SLC12A7: variants seen among roughly 807,000 people sequenced by gnomAD.
The protein encoded by SLC12A7 is K-Cl cotransporter 4.
A neutral mutation model predicts 120.6 loss-of-function variants in SLC12A7; 100 were observed. The observed-to-expected ratio is 0.83, with a 90% CI of 0.71 to 0.98. The LOEUF (loss-of-function observed/expected upper bound fraction) is 0.98. Among genes scored for constraint, SLC12A7 ranks in the 50% least tolerant of loss-of-function variants. The pLI is 0.00. For missense variants in SLC12A7, 1,373 were observed against 1,548.1 expected, an observed-to-expected ratio of 0.89 and a Z score of 1.90; for synonymous variants, 760 against 678.0, an observed-to-expected ratio of 1.12 and a Z score of -1.88.
the SLC12A7 span, among the ~76,000 whole-genome samples, chr5:1,128,696 G>T: frequency 6.6e-6 from 1 of 152,214 alleles, no homozygotes; most frequent in Non-Finnish European, 1.5e-5. Flanking sequence ...GTCCTGACAG[G>T]CTGCAGCGGA....
intron 21 of SLC12A7, among the ~76,000 whole-genome samples, chr5:1,058,119 GGGGCCGGCC>G (rs1735819062): frequency 1.3e-5 from 2 of 152,220 alleles, no homozygotes; most frequent in South Asian, 4.1e-4. Context: ...GGGACGTTTG[GGGGCCGGCC>G]AGGCTGGCAG....
chr5:1,128,079 C>A, the SLC12A7 span, among the ~76,000 whole-genome samples: 1 of 152,202 alleles, frequency 6.6e-6, no homozygotes, highest in East Asian at 1.9e-4. Flanking sequence ...TAGCTTCTCA[C>A]GCCATGCACT....
chr5:1,055,758 C>T (rs1426640011), intron 22 of SLC12A7, among the ~76,000 whole-genome samples: 4 of 152,236 alleles, frequency 2.6e-5, no homozygotes, highest in African/African-American at 7.2e-5. Context: ...GGGTCTACGT[C>T]GTTCTTCGGC....
At chr5:1,107,932 G>T (rs946465953) in intron 1 of SLC12A7, among the ~76,000 whole-genome samples, 1 of 152,132 alleles carries the variant, frequency 6.6e-6, no homozygotes, top group African/African-American at 2.4e-5. Context: ...TAGACCAGGG[G>T]GAGGGAACGG....
At chr5:1,064,402 G>C (rs755916299) in intron 18 of SLC12A7, 150 bp from the exon 19 acceptor site, 27 of 857,892 alleles carry the variant, frequency 3.1e-5, no homozygotes, top group Non-Finnish European at 4.2e-5. Context: ...GCTCCTCCAA[G>C]GACCAGCCAG....
chr5:1,110,103 G>C (rs1742882669), intron 1 of SLC12A7, among the ~76,000 whole-genome samples: 1 of 152,268 alleles, frequency 6.6e-6, no homozygotes, highest in Admixed American at 6.5e-5. Context: ...ATGTGATCAA[G>C]TGGATTCCGA....
chr5:1,131,119 G>T, the SLC12A7 span, among the ~76,000 whole-genome samples: 1 of 152,150 alleles, frequency 6.6e-6, no homozygotes, highest in Non-Finnish European at 1.5e-5. Context: ...AGAGCTCAGC[G>T]CCTGTATTCG....
chr5:1,073,825 T>C, intron 16 of SLC12A7, 24 bp from the exon 17 acceptor site: 1 of 1,390,948 alleles, frequency 7.2e-7, no homozygotes, highest in Non-Finnish European at 9.4e-7. Flanking sequence ...GGGGCGGCTG[T>C]TACCACGGCA....
the SLC12A7 span, among the ~76,000 whole-genome samples, chr5:1,142,919 C>T: frequency 4.0e-5 from 6 of 151,462 alleles, no homozygotes; most frequent in African/African-American, 7.3e-5. Context: ...AATGGACTTT[C>T]CTGGCCCATT....
chr5:1,084,543 T>G (rs1739596660), intron 7 of SLC12A7, among the ~76,000 whole-genome samples: 1 of 152,044 alleles, frequency 6.6e-6, no homozygotes, highest in East Asian at 1.9e-4. Context: ...TGGAAAACAG[T>G]CTACACAGGG....
intron 1 of SLC12A7, among the ~76,000 whole-genome samples, chr5:1,094,594 C>T (rs553836041): frequency 1.9e-4 from 29 of 152,344 alleles, no homozygotes; most frequent in African/African-American, 5.8e-4. Context: ...AAGACAAAGC[C>T]CCTGAAAGCC....
intron 20 of SLC12A7, among the ~76,000 whole-genome samples, chr5:1,062,138 A>G (rs1579323542): frequency 6.6e-6 from 1 of 152,136 alleles, no homozygotes; most frequent in Non-Finnish European, 1.5e-5. Context: ...CCTGCTCAGG[A>G]GCTGGGGAGC....
rs75851171 is a variant in SLC12A7 at position 1,061,168 on chromosome 5, C to T, written c.2740-717G>A. ...CACCCGCCGCACCCGCCGTGCGGGA[C>T]CCCTGCGTCTCACCCACCGCACCCG... On this transcript the variant is annotated intron_variant, in intron 20 of 23. Transcript: ENST00000264930. Among the ~76,000 whole-genome samples, 188 of 21,676 alleles carry T rather than the reference C, an allele frequency of 8.7e-3. 10 individuals are homozygous for T. Among genetic ancestry groups the T allele is most frequent in the Middle Eastern group, 0.05 (1 of 20 alleles). The allele number at this position is 21,676 out of a possible 152,430, so 14.2% of individuals were successfully genotyped here.
chr5:1,081,784 C>T, intron 8 of SLC12A7, 40 bp from the exon 9 acceptor site: 1 of 1,582,692 alleles, frequency 6.3e-7, no homozygotes, highest in Admixed American at 1.7e-5. Context: ...CTGGCACCTT[C>T]TGTGCAGTGC....
At chr5:1,076,035 C>A in intron 14 of SLC12A7, 103 bp downstream of exon 14, 1 of 963,568 alleles carries the variant, frequency 1.0e-6, no homozygotes, top group Non-Finnish European at 1.5e-6. Context: ...AGTGTCCCAG[C>A]CTGTGGGGCT....
At chr5:1,101,105 GA>G (rs987137121) in intron 1 of SLC12A7, among the ~76,000 whole-genome samples, 98 of 152,300 alleles carry the variant, frequency 6.4e-4, no homozygotes, top group Non-Finnish European at 4.4e-4. Context: ...TCGTACCTGG[GA>G]ACAGCCTGTT....
chr5:1,063,667 G>GC lies in SLC12A7; in HGVS notation c.2739+176dup, dbSNP rs572561724. The stretch of plus-strand genomic sequence containing the variant: ...TCCCCCTCCACCCCCACCTCACGAG[G>GC]CCACAGCCCTCCCGATCTCCACTTC... On this transcript the variant is annotated intron_variant, in intron 20 of 23. Transcript: ENST00000264930. 1.6e-3 allele frequency among the ~76,000 whole-genome samples: 43 copies of GC among 27,228 alleles called. 2 individuals are homozygous for GC. Among genetic ancestry groups the GC allele is most frequent in the South Asian group, 5.1e-3 (3 of 590 alleles). 17.9% of individuals were successfully genotyped at this position (27,228 alleles called of 152,430 possible).
chr5:1,085,676 G>A (rs1188790502), intron 6 of SLC12A7, among the ~76,000 whole-genome samples: 1 of 149,794 alleles, frequency 6.7e-6, no homozygotes, highest in African/African-American at 2.4e-5. Flanking sequence ...ACAGGCGAGG[G>A]ACGGAGCCCG....
rs1343513516 is a variant in SLC12A7, at chr5:1,051,365, T to C, written c.*995A>G. 1 of 133,530 alleles carries C rather than the reference T, an allele frequency of 7.5e-6. No homozygotes were observed. Among genetic ancestry groups the C allele is most frequent in the Non-Finnish European group, 1.5e-5 (1 of 65,654 alleles). 8.3% of individuals were successfully genotyped at this position (133,530 alleles called of 1,614,324 possible). A position where few individuals can be genotyped will look rare whatever the true frequency, so the allele number is the denominator to read the frequency against. Reference sequence around the variant, plus strand: ...GGCACGTGTGAGCCAGCTCAGAGGCTGAACTGTGTGCCGTGCTCCTGGGGT... The same window carrying C: ...GGCACGTGTGAGCCAGCTCAGAGGCCGAACTGTGTGCCGTGCTCCTGGGGT... On this transcript the variant is annotated 3_prime_UTR_variant, in exon 24 of 24. Coordinates refer to ENST00000264930, the MANE Select transcript of SLC12A7 (RefSeq NM_006598.3).
Sources: allele counts gnomAD v4.1 joint callset (sites outside exome capture counted in the v4.1 genomes callset), GRCh38; gene constraint gnomAD v4.1.1; transcripts MANE v1.5; gene names NCBI Gene and HGNC (gene_info 2026-07-23, HGNC 2026-07-21).